Variants in FGD5 observed in about 807,000 individuals in gnomAD.
FGD5 encodes the protein FYVE, RhoGEF and PH domain-containing protein 5.
A neutral mutation model predicts 133.4 loss-of-function variants in FGD5; 28 were observed. The ratio of observed to expected loss-of-function variants is 0.21; its 90% CI spans 0.16 to 0.29. The LOEUF (loss-of-function observed/expected upper bound fraction) is 0.29. FGD5 is among the 10% of genes least tolerant of loss of function. The pLI is 1.00. For missense variants in FGD5, 1,858 were observed against 1,895.2 expected, an observed-to-expected ratio of 0.98 and a Z score of 0.36; for synonymous variants, 810 against 776.5, an observed-to-expected ratio of 1.04 and a Z score of -0.72.
chr3:14,901,637 GC>G (rs1251482794), intron 9 of FGD5, among the ~76,000 whole-genome samples: 1 of 152,190 alleles, frequency 6.6e-6, no homozygotes, highest in Non-Finnish European at 1.5e-5. Context: ...ATGGTTCCAA[GC>G]CCGAGTCCTA....
Position 14,893,752 on chromosome 3 carries a change from CTTTTTTT to C in FGD5, c.2749-3743_2749-3737del, listed in dbSNP as rs138741627. Among the ~76,000 whole-genome samples, 85 of 95,058 alleles carry C rather than the reference CTTTTTTT, an allele frequency of 8.9e-4. 2 individuals carry two copies. The South Asian group carries it at 0.023, about 25-fold the overall frequency. 62.4% of individuals were successfully genotyped at this position (95,058 alleles called of 152,430 possible). ...TTTCTTTTTCTTTCTTTTCTTTTTT[CTTTTTTT>C]TTTTTTTTTTTTTGAGACAGAGTCT... On this transcript the variant is annotated intron_variant, in intron 4 of 19. Transcript: ENST00000285046.
At chr3:14,814,711 A>G (rs528146310), upstream of FGD5, among the ~76,000 whole-genome samples, 4 of 152,088 alleles carry the variant, frequency 2.6e-5, no homozygotes, top group African/African-American at 7.2e-5. Context: ...CCTGCTTGAC[A>G]TCTCCAGCTG....
At chr3:14,867,797 T>C (rs762631429) in intron 2 of FGD5, among the ~76,000 whole-genome samples, 2 of 152,182 alleles carry the variant, frequency 1.3e-5, no homozygotes, top group Non-Finnish European at 2.9e-5. Context: ...AGACCTCTCA[T>C]CTCCATGCCC....
At chr3:14,867,712 G>T (rs992199878) in intron 2 of FGD5, among the ~76,000 whole-genome samples, 5 of 151,540 alleles carry the variant, frequency 3.3e-5, no homozygotes, top group Non-Finnish European at 7.4e-5. Context: ...TAGGGTGGGG[G>T]TGGGGAGAAG....
rs1299169034 is a variant in FGD5, at chr3:14,821,595, A to G, written c.2524A>G (p.Ser842Gly). ...GCAGAGTGCAGACCAGGACGCAGAAAGGTACCTGACATTCTATTTCCTTTC... is the reference window on the plus strand; with the variant it reads ...GCAGAGTGCAGACCAGGACGCAGAAGGGTACCTGACATTCTATTTCCTTTC... ...KQQSADQDAE[S>G]AYTEPYKVCP... Residue 842 changes from serine to glycine, a missense_variant and splice_region_variant, in exon 1 of 20, where the codon AGC becomes GGC. Coordinates refer to ENST00000285046, the MANE Select transcript of FGD5 (RefSeq NM_152536.4). 2 of 1,584,884 alleles carry G rather than the reference A, an allele frequency of 1.3e-6. No individual in the cohort carries two copies. The highest frequency in any genetic ancestry group is 1.7e-6 in the Non-Finnish European group (2 of 1,163,246).
intron 1 of FGD5, 154 bp downstream of exon 1, chr3:14,821,750 C>A: frequency 1.9e-6 from 2 of 1,077,752 alleles, no homozygotes; most frequent in Non-Finnish European, 2.5e-6. Context: ...ATCTCTGAGC[C>A]TCGGTTACTT....
At chr3:14,899,251 C>G (rs1360609319) in intron 7 of FGD5, among the ~76,000 whole-genome samples, 1 of 152,110 alleles carries the variant, frequency 6.6e-6, no homozygotes, top group Non-Finnish European at 1.5e-5. Flanking sequence ...GTGGTATACT[C>G]TCTCCCACTT....
At chr3:14,914,278 G>A (rs1326908242) in intron 11 of FGD5, among the ~76,000 whole-genome samples, 1 of 152,188 alleles carries the variant, frequency 6.6e-6, no homozygotes, top group Non-Finnish European at 1.5e-5. Context: ...GGGCGCCCAC[G>A]CCCAGCAGTG....
chr3:14,848,237 A>G (rs2037089423), intron 1 of FGD5, among the ~76,000 whole-genome samples: 1 of 152,050 alleles, frequency 6.6e-6, no homozygotes, highest in Non-Finnish European at 1.5e-5. Flanking sequence ...GGGAGGCAAA[A>G]GTCCCACTTC....
At chr3:14,859,325 G>T (rs535035614) in intron 1 of FGD5, among the ~76,000 whole-genome samples, 84 of 152,282 alleles carry the variant, frequency 5.5e-4, no homozygotes, top group Non-Finnish European at 1.0e-3. Context: ...GGGAGGCTGA[G>T]GCGGGCAGAT....
At chr3:14,826,170 T>G (rs1009923317) in intron 1 of FGD5, among the ~76,000 whole-genome samples, 1 of 152,200 alleles carries the variant, frequency 6.6e-6, no homozygotes, top group Non-Finnish European at 1.5e-5. Context: ...GTTAAGAGTT[T>G]TAGTGTGAAC....
chr3:14,882,268 T>TA (rs2125119168), intron 4 of FGD5: 1 of 985,280 alleles, frequency 1.0e-6, no homozygotes, highest in Non-Finnish European at 1.2e-6. Context: ...AATTTTGTTT[T>TA]ATGACTTCAT....
chr3:14,862,492 G>A (rs551433422), intron 1 of FGD5, among the ~76,000 whole-genome samples: 1 of 152,284 alleles, frequency 6.6e-6, no homozygotes, highest in East Asian at 1.9e-4. Context: ...TGGCAGCACG[G>A]TGACTTGCAG....
intron 18 of FGD5, among the ~76,000 whole-genome samples, chr3:14,926,505 C>G (rs925953960): frequency 5.9e-5 from 9 of 152,194 alleles, no homozygotes; most frequent in Non-Finnish European, 1.2e-4. Flanking sequence ...ATGGAACAAG[C>G]CAGCCATGCC....
chr3:14,873,057 T>C (rs1380484088), intron 2 of FGD5, among the ~76,000 whole-genome samples: 1 of 152,232 alleles, frequency 6.6e-6, no homozygotes, highest in Non-Finnish European at 1.5e-5. Flanking sequence ...TGGCATCGTA[T>C]TGCCACAGAT....
intron 16 of FGD5, 80 bp from the exon 17 acceptor site, chr3:14,923,928 T>G: frequency 6.4e-7 from 1 of 1,551,258 alleles, no homozygotes; most frequent in Non-Finnish European, 8.8e-7. Flanking sequence ...CCTAGAGGGA[T>G]TTTACAGGAA....
chr3:14,834,910 C>T (rs956119742), intron 1 of FGD5, among the ~76,000 whole-genome samples: 2 of 152,188 alleles, frequency 1.3e-5, no homozygotes, highest in Admixed American at 6.5e-5. Context: ...GCAGACCCCG[C>T]GATCTGCCAC....
chr3:14,873,069 C>G (rs766952565), intron 2 of FGD5, among the ~76,000 whole-genome samples: 13 of 152,180 alleles, frequency 8.5e-5, no homozygotes, highest in Non-Finnish European at 1.0e-4. Context: ...GCCACAGATT[C>G]CATTCTGTCA....
At chr3:14,925,822 T>C (rs2038792212) in intron 17 of FGD5, among the ~76,000 whole-genome samples, 1 of 152,196 alleles carries the variant, frequency 6.6e-6, no homozygotes, top group Non-Finnish European at 1.5e-5. Flanking sequence ...ACCAAGAATC[T>C]GAAAAACCAC....
Sources: gnomAD v4.1 joint callset for allele counts (sites outside exome capture counted in the v4.1 genomes callset) on GRCh38, gnomAD v4.1.1 for gene constraint, MANE v1.5 for transcripts, NCBI Gene and HGNC (gene_info 2026-07-23, HGNC 2026-07-21) for gene names.